The following ZNF148 variants were observed in gnomAD, a reference collection of about 807,000 sequenced individuals.
The protein encoded by ZNF148 is Beta-Enolase Repressor Factor-1.
In ZNF148, 7 loss-of-function variants were observed where a neutral mutation model predicts 67.7. The observed-to-expected ratio is 0.10, with a 90% CI of 0.06 to 0.19. ZNF148 has a LOEUF of 0.19. Ranked by LOEUF, ZNF148 falls within the 10% of genes least tolerant of loss-of-function variation. ZNF148 has a pLI of 1.00. For missense variants in ZNF148, 583 were observed against 947.1 expected (o/e 0.62, Z 5.05); for synonymous variants, 333 against 330.7 (o/e 1.01, Z -0.08).
chr3:125,232,307 A>C lies in ZNF148; in HGVS notation c.*34T>G. ...CCCCACTCTTGATTAATCTGTTCTA[A>C]AGTGCCAGTATTATTTACACTTTTT... is the stretch of plus-strand genomic sequence containing the variant. On this transcript the variant is annotated 3_prime_UTR_variant, in exon 9 of 9. Coordinates refer to ENST00000360647, the MANE Select transcript of ZNF148 (RefSeq NM_021964.3). This position sits in a 1 kb window ranked among gnomAD's most constrained non-coding sequence, Gnocchi z 4.2. 1 of 1,564,780 alleles carries C rather than the reference A, an allele frequency of 6.4e-7. No homozygotes were observed. Among genetic ancestry groups the C allele is most frequent in the South Asian group, 1.2e-5 (1 of 83,942 alleles).
At chr3:125,261,825 GTTT>G (rs1553809856) in intron 7 of ZNF148, among the ~76,000 whole-genome samples, 3 of 138,946 alleles carry the variant, frequency 2.2e-5, no homozygotes, top group Non-Finnish European at 4.6e-5. Flanking sequence ...GGGTTGACAA[GTTT>G]TTTTTTTTTT....
intron 7 of ZNF148, among the ~76,000 whole-genome samples, chr3:125,251,073 T>C (rs1399733601): frequency 6.6e-6 from 1 of 152,170 alleles, no homozygotes; most frequent in African/African-American, 2.4e-5. Context: ...TTTACTAGAG[T>C]GTAACAGTCA....
intron 4 of ZNF148, among the ~76,000 whole-genome samples, chr3:125,302,858 T>C (rs1321870996): frequency 6.6e-6 from 1 of 152,248 alleles, no homozygotes; most frequent in East Asian, 1.9e-4. Flanking sequence ...AGGGGTATGG[T>C]AGGGTATTTA....
rs572018043 is a variant in ZNF148 at position 125,288,371 on chromosome 3, A to G, written c.334-143T>C. ...CTATGTGTGTGTGTCCTAACTATAT[A>G]CAGTGCTATAGAATTCATTAATAGG... On this transcript the variant is annotated intron_variant, in intron 4 of 8. Transcript: ENST00000360647. The G allele has an allele frequency of 5.7e-5, 46 of 812,750 alleles. No individual in the cohort carries two copies. The South Asian group carries it at 8.8e-4, about 16-fold the overall frequency. 50.3% of individuals were successfully genotyped at this position (812,750 alleles called of 1,614,324 possible).
intron 7 of ZNF148, among the ~76,000 whole-genome samples, chr3:125,252,342 T>A (rs531105548): frequency 6.6e-6 from 1 of 151,684 alleles, no homozygotes; most frequent in East Asian, 1.9e-4. Flanking sequence ...AGTTTTCTAA[T>A]AGAAGTTTCA....
intron 7 of ZNF148, 74 bp downstream of exon 7, chr3:125,277,652 C>T (rs1938146442): frequency 9.4e-6 from 12 of 1,282,794 alleles, no homozygotes; most frequent in African/African-American, 3.0e-5. Context: ...CAAGTCACTG[C>T]CACTTATTAA....
chr3:125,233,810 A>T lies in ZNF148; in HGVS notation c.916T>A (p.Ser306Thr), dbSNP rs1376589011. 1 of 1,613,520 alleles carries T rather than the reference A, an allele frequency of 6.2e-7. No individual in the cohort carries two copies. The highest frequency in any genetic ancestry group is 2.2e-5 in the East Asian group (1 of 44,866). ...TTTGGCAGTGAGTTGTCTTTTGGTG[A>T]TGTAGAAAAGCCAGAATCTTCCTCA... is the stretch of plus-strand genomic sequence containing the variant. The part of the protein sequence containing the change: ...TSEEDSGFST[S>T]PKDNSLPKKK... The change falls in exon 9 of 9, where the codon TCA (serine) becomes ACA (threonine). Residue 306 changes from serine to threonine, a missense_variant. Coordinates refer to ENST00000360647, the MANE Select transcript of ZNF148 (RefSeq NM_021964.3). This position sits in a 1 kb window ranked among gnomAD's most constrained non-coding sequence, Gnocchi z 5.1.
intron 4 of ZNF148, among the ~76,000 whole-genome samples, chr3:125,309,595 T>A (rs1940086496): frequency 2.0e-5 from 3 of 150,686 alleles, no homozygotes; most frequent in Non-Finnish European, 4.4e-5. Context: ...GAACTACAGT[T>A]AAAAAAAAAA....
chr3:125,263,905 C>T (rs1318995664), intron 7 of ZNF148, among the ~76,000 whole-genome samples: 1 of 152,204 alleles, frequency 6.6e-6, no homozygotes, highest in African/African-American at 2.4e-5. Flanking sequence ...CAGCCCCATT[C>T]TCCTCAACCT....
At chr3:125,251,773 A>C (rs921313276) in intron 7 of ZNF148, among the ~76,000 whole-genome samples, 9 of 152,194 alleles carry the variant, frequency 5.9e-5, no homozygotes, top group Non-Finnish European at 1.0e-4. Flanking sequence ...AAATGTTCTT[A>C]TCCTTTGGTG....
chr3:125,300,536 G>T (rs1939530847), intron 4 of ZNF148, among the ~76,000 whole-genome samples: 1 of 152,166 alleles, frequency 6.6e-6, no homozygotes, highest in African/African-American at 2.4e-5. Flanking sequence ...GTCATTAAAT[G>T]AATTAATCAT....
At chr3:125,344,621 C>G (rs1579860111) in intron 1 of ZNF148, 1 of 736,836 alleles carries the variant, frequency 1.4e-6, no homozygotes, top group East Asian at 2.6e-5. Flanking sequence ...GATGTACCAT[C>G]TTTTAGCATC....
chr3:125,240,003 T>G, intron 7 of ZNF148, among the ~76,000 whole-genome samples: 1 of 152,192 alleles, frequency 6.6e-6, no homozygotes. Flanking sequence ...AAACACCAGA[T>G]AGTGGTGATA....
chr3:125,318,423 G>A (rs1442261970), intron 3 of ZNF148, among the ~76,000 whole-genome samples: 1 of 152,056 alleles, frequency 6.6e-6, no homozygotes, highest in African/African-American at 2.4e-5. Context: ...TCAGGGGCTA[G>A]GGATACTACA....
chr3:125,317,658 T>TAGAGAGAGAG (rs796905351), intron 3 of ZNF148, among the ~76,000 whole-genome samples: 414 of 27,960 alleles, frequency 0.015, no homozygotes, highest in African/African-American at 0.057. Context: ...TATATATATA[T>TAGAGAGAGAG]ATATAGAGAG....
At chr3:125,249,231 C>CTTT (rs1313532182) in intron 7 of ZNF148, among the ~76,000 whole-genome samples, 1 of 151,974 alleles carries the variant, frequency 6.6e-6, no homozygotes, top group Non-Finnish European at 1.5e-5. Context: ...AAAAGATAAC[C>CTTT]TATGGAATGG....
intron 7 of ZNF148, among the ~76,000 whole-genome samples, chr3:125,258,998 G>A (rs551320317): frequency 5.3e-5 from 8 of 152,008 alleles, no homozygotes; most frequent in East Asian, 3.9e-4. Context: ...TTAGAAATAC[G>A]AAGTTAATTG....
chr3:125,236,732 T>C (rs917652711), intron 7 of ZNF148, among the ~76,000 whole-genome samples: 4 of 152,198 alleles, frequency 2.6e-5, no homozygotes, highest in African/African-American at 9.6e-5. Context: ...CTGTGCTCTT[T>C]CAAGCTCGAG....
intron 1 of ZNF148, among the ~76,000 whole-genome samples, chr3:125,332,478 G>A (rs1048428835): frequency 6.6e-6 from 1 of 152,036 alleles, no homozygotes; most frequent in Non-Finnish European, 1.5e-5. Flanking sequence ...AATTAAATTA[G>A]GTTTAAAGTT....
Sources: allele counts gnomAD v4.1 joint callset (sites outside exome capture counted in the v4.1 genomes callset), GRCh38; gene constraint gnomAD v4.1.1; non-coding constraint Gnocchi (gnomAD v3.1); transcripts MANE v1.5; gene names NCBI Gene and HGNC (gene_info 2026-07-23, HGNC 2026-07-21).